Variants in UNC13C observed in about 807,000 individuals in gnomAD.
UNC13C encodes unc-13 homolog C.
UNC13C carries 174 observed loss-of-function variants against 245.4 expected under a neutral mutation model. That is an observed-to-expected ratio of 0.71 (90% CI 0.63 to 0.80). The LOEUF (loss-of-function observed/expected upper bound fraction) is 0.80. Among genes scored for constraint, UNC13C ranks in the 30% least tolerant of loss-of-function variants. UNC13C has a pLI of 0.00. For missense variants in UNC13C, 2,829 were observed against 2,602.9 expected (o/e 1.09, Z -1.89); for synonymous variants, 992 against 895.1 (o/e 1.11, Z -1.93).
intron 17 of UNC13C, among the ~76,000 whole-genome samples, chr15:54,391,042 A>G (rs1047657520): frequency 6.6e-6 from 1 of 152,242 alleles, no homozygotes; most frequent in African/African-American, 2.4e-5. Context: ...TGGAAGTACA[A>G]TTTGCGACAG....
chr15:54,370,047 G>T (rs183531538), intron 17 of UNC13C, among the ~76,000 whole-genome samples: 35 of 152,162 alleles, frequency 2.3e-4, no homozygotes, highest in Non-Finnish European at 4.9e-4. Flanking sequence ...GAGTTTTTCT[G>T]TGCTATAACT....
chr15:53,957,982 T>C, the UNC13C span, among the ~76,000 whole-genome samples: 1 of 152,150 alleles, frequency 6.6e-6, no homozygotes, highest in African/African-American at 2.4e-5. Flanking sequence ...TGTTTTTTTG[T>C]GTTTTTTTGG....
intron 2 of UNC13C, among the ~76,000 whole-genome samples, chr15:54,082,590 G>A (rs755302069): frequency 1.3e-5 from 2 of 151,976 alleles, no homozygotes; most frequent in Non-Finnish European, 2.9e-5. Context: ...TTTGACTCTG[G>A]TTGGGATCCA....
intron 7 of UNC13C, among the ~76,000 whole-genome samples, chr15:54,241,340 G>A (rs2035846219): frequency 6.6e-6 from 1 of 152,130 alleles, no homozygotes. Context: ...TCAAACCGGA[G>A]CCCTATTTCT....
intron 19 of UNC13C, among the ~76,000 whole-genome samples, chr15:54,463,264 G>C (rs1220319924): frequency 1.7e-5 from 1 of 57,764 alleles, no homozygotes; most frequent in African/African-American, 5.7e-5. Context: ...TAGAATGTGG[G>C]CGGGGGGGGG....
chr15:54,419,117 A>C (rs2040582543), intron 19 of UNC13C, among the ~76,000 whole-genome samples: 1 of 152,192 alleles, frequency 6.6e-6, no homozygotes, highest in African/African-American at 2.4e-5. Context: ...ACTGTTTGTA[A>C]TGCTATTATT....
intron 2 of UNC13C, among the ~76,000 whole-genome samples, chr15:54,103,082 G>T (rs1900248872): frequency 6.6e-6 from 1 of 152,104 alleles, no homozygotes; most frequent in African/African-American, 2.4e-5. Flanking sequence ...GTACAAATCG[G>T]GGAGAGAAAG....
chr15:53,899,015 A>AGCC, the UNC13C span, among the ~76,000 whole-genome samples: 2 of 149,130 alleles, frequency 1.3e-5, no homozygotes, highest in Admixed American at 1.3e-4. Context: ...TTTTGTGCTT[A>AGCC]TCTCTACTGG....
chr15:54,056,270 C>G (rs186340649), intron 2 of UNC13C, among the ~76,000 whole-genome samples: 1 of 152,170 alleles, frequency 6.6e-6, no homozygotes, highest in East Asian at 1.9e-4. Context: ...CTTAAAGGAC[C>G]TGATGGATCA....
chr15:54,265,225 T>A, intron 9 of UNC13C, 130 bp from the exon 10 acceptor site: 1 of 620,588 alleles, frequency 1.6e-6, no homozygotes. Context: ...CTGTGAGTCA[T>A]GAGAATGAAA....
intron 2 of UNC13C, among the ~76,000 whole-genome samples, chr15:54,106,605 A>G (rs1162636787): frequency 6.6e-6 from 1 of 152,174 alleles, no homozygotes; most frequent in Non-Finnish European, 1.5e-5. Flanking sequence ...TCTTTAAGTG[A>G]AGTTAATCCT....
chr15:54,379,942 G>T (rs1470410576), intron 17 of UNC13C, among the ~76,000 whole-genome samples: 1 of 152,114 alleles, frequency 6.6e-6, no homozygotes, highest in African/African-American at 2.4e-5. Flanking sequence ...ACTCAATCTA[G>T]CTAATTGATA....
At chr15:54,431,335 G>A (rs1358267726) in intron 19 of UNC13C, among the ~76,000 whole-genome samples, 2 of 151,406 alleles carry the variant, frequency 1.3e-5, no homozygotes, top group African/African-American at 4.8e-5. Flanking sequence ...TCTGCCTTGA[G>A]AGCCAATACT....
chr15:54,064,444 T>C (rs1432049938), intron 2 of UNC13C, among the ~76,000 whole-genome samples: 1 of 152,228 alleles, frequency 6.6e-6, no homozygotes, highest in Non-Finnish European at 1.5e-5. Context: ...AGATTTCCAC[T>C]GTGCTCCTTA....
chr15:54,201,425 AG>A lies in UNC13C; in HGVS notation c.3072-33602del, dbSNP rs556766505. On this transcript the variant is annotated intron_variant, in intron 4 of 32. Coordinates refer to ENST00000260323, the MANE Select transcript of UNC13C (RefSeq NM_001080534.3). ...ATGCAAAAATCGTCAACAAAATAATAGGGAATAAAATCTAACAGCATATCAA... is the reference window on the plus strand; with the variant it reads ...ATGCAAAAATCGTCAACAAAATAATAGGAATAAAATCTAACAGCATATCAA... Among the ~76,000 whole-genome samples the A allele has an allele frequency of 6.9e-4, 105 of 152,134 alleles. 2 individuals carry two copies. The South Asian group carries it at 0.022, about 31-fold the overall frequency.
the UNC13C span, among the ~76,000 whole-genome samples, chr15:53,863,263 C>T: frequency 6.6e-6 from 1 of 152,196 alleles, no homozygotes; most frequent in African/African-American, 2.4e-5. Flanking sequence ...TGGACTGATG[C>T]TCTACCCTCC....
intron 30 of UNC13C, among the ~76,000 whole-genome samples, chr15:54,616,116 T>C (rs111771389): frequency 2.6e-5 from 4 of 152,066 alleles, no homozygotes; most frequent in African/African-American, 9.7e-5. Context: ...ATGGATTTCT[T>C]ACTAACCTCT....
intron 19 of UNC13C, chr15:54,417,201 A>G (rs982455538): frequency 4.6e-5 from 15 of 322,870 alleles, no homozygotes; most frequent in African/African-American, 3.3e-4. Flanking sequence ...TAGAAAATAG[A>G]AGCTACTCAA....
intron 24 of UNC13C, among the ~76,000 whole-genome samples, chr15:54,514,177 T>G (rs955238700): frequency 6.6e-6 from 1 of 152,204 alleles, no homozygotes; most frequent in African/African-American, 2.4e-5. Context: ...AACTTGGGGC[T>G]TTTATAAAGA....
Sources: gnomAD v4.1 joint callset for allele counts (sites outside exome capture counted in the v4.1 genomes callset) on GRCh38, gnomAD v4.1.1 for gene constraint, MANE v1.5 for transcripts, NCBI Gene and HGNC (gene_info 2026-07-23, HGNC 2026-07-21) for gene names.